SIPA1L1: variants seen among roughly 807,000 people sequenced by gnomAD.
The protein encoded by SIPA1L1 is signal-induced proliferation-associated 1-like protein 1.
SIPA1L1 carries 26 observed loss-of-function variants against 162.7 expected under a neutral mutation model. The observed-to-expected ratio is 0.16, with a 90% CI of 0.12 to 0.22. The LOEUF (loss-of-function observed/expected upper bound fraction) is 0.22, where lower values mean the gene tolerates loss of function less well. Among genes scored for constraint, SIPA1L1 ranks in the 10% least tolerant of loss-of-function variants. The probability of loss-of-function intolerance (pLI) is 1.00; values close to 1 mark genes in which losing one functional copy is unlikely to be tolerated. For synonymous variants in SIPA1L1, 829 were observed against 837.4 expected, an observed-to-expected ratio of 0.99 and a Z score of 0.17; for missense variants, 1,874 against 2,241.0, an observed-to-expected ratio of 0.84 and a Z score of 3.31.
chr14:71,538,232 A>G (rs544604892), intron 4 of SIPA1L1, among the ~76,000 whole-genome samples: 15 of 152,278 alleles, frequency 9.9e-5, no homozygotes, highest in African/African-American at 3.1e-4. Flanking sequence ...TCAGGTTTTA[A>G]GGTAAGAATT....
intron 17 of SIPA1L1, among the ~76,000 whole-genome samples, chr14:71,713,868 C>G (rs1168816837): frequency 6.6e-6 from 1 of 151,990 alleles, no homozygotes; most frequent in Non-Finnish European, 1.5e-5. Flanking sequence ...TAAATCTTTT[C>G]TGCCTGGAAA....
chr14:71,704,959 T>G, intron 15 of SIPA1L1: 3 of 629,242 alleles, frequency 4.8e-6, no homozygotes, highest in Non-Finnish European at 8.5e-6. Context: ...TTTGCTGCGT[T>G]GTTCATGGCC....
intron 2 of SIPA1L1, among the ~76,000 whole-genome samples, chr14:71,328,394 C>G (rs746253862): frequency 3.9e-5 from 6 of 152,170 alleles, no homozygotes; most frequent in Non-Finnish European, 8.8e-5. Context: ...TGAGGCTTTT[C>G]TCCTGGGGGA....
chr14:71,474,875 C>T (rs1227467402), intron 2 of SIPA1L1, among the ~76,000 whole-genome samples: 1 of 152,134 alleles, frequency 6.6e-6, no homozygotes, highest in East Asian at 1.9e-4. Context: ...CCTTAAATTT[C>T]AGGCTGTAAA....
At chr14:71,493,325 T>G (rs888904908) in intron 2 of SIPA1L1, among the ~76,000 whole-genome samples, 2 of 152,138 alleles carry the variant, frequency 1.3e-5, no homozygotes, top group African/African-American at 2.4e-5. Flanking sequence ...AATCCTGGGC[T>G]CAAGCAGTTT....
chr14:71,656,503 A>G (rs1415414233), intron 8 of SIPA1L1, among the ~76,000 whole-genome samples: 1 of 152,216 alleles, frequency 6.6e-6, no homozygotes, highest in Non-Finnish European at 1.5e-5. Flanking sequence ...CACGTTCAAG[A>G]CCTGTCTTAA....
At position 71,618,717 on chromosome 14, in the gene SIPA1L1, G is replaced by A. The variant is rs369788891; in HGVS notation, c.1499-40G>A. On this transcript the variant is annotated intron_variant, in intron 5 of 23. Coordinates refer to ENST00000381232, the MANE Select transcript of SIPA1L1 (RefSeq NM_001386936.1). ...AGAATGTAACATTTTCAAAGTGTTAGGTAGATTTTCTAACTTTGTTTTGTC... is the reference window on the plus strand; with the variant it reads ...AGAATGTAACATTTTCAAAGTGTTAAGTAGATTTTCTAACTTTGTTTTGTC... 8.2e-6 allele frequency: 13 copies of A among 1,593,268 alleles called. No individual in the cohort carries two copies. The African/African-American group carries it at 1.1e-4, about 13-fold the overall frequency.
In SIPA1L1 at chr14:71,672,709, A is replaced by C. The variant is rs994405926; in HGVS notation, c.3104+87A>C. 3.5e-6 allele frequency: 5 copies of C among 1,414,622 alleles called. No individual in the cohort carries two copies. In the African/African-American group the frequency reaches 7.1e-5, roughly 20 times the overall value. 87.6% of individuals were successfully genotyped at this position (1,414,622 alleles called of 1,614,324 possible). A position where few individuals can be genotyped will look rare whatever the true frequency, so the allele number is the denominator to read the frequency against. ...AACATCTCTTAGCAGGTAGTGGAGT[A>C]GGGTGTTGTGAAGAACAATAGGTTA... On this transcript the variant is annotated intron_variant, in intron 12 of 23. Transcript: ENST00000381232.
chr14:71,637,680 A>G (rs956498299), intron 7 of SIPA1L1, among the ~76,000 whole-genome samples: 2 of 152,106 alleles, frequency 1.3e-5, no homozygotes, highest in Non-Finnish European at 2.9e-5. Context: ...ACCATGGTCA[A>G]GCCACTGTAC....
chr14:71,459,071 GAA>G (rs200892418), intron 2 of SIPA1L1, among the ~76,000 whole-genome samples: 2 of 134,260 alleles, frequency 1.5e-5, no homozygotes, highest in African/African-American at 2.7e-5. Flanking sequence ...GGCTCTGTCT[GAA>G]AAAAAAAAAA....
chr14:71,365,344 C>T (rs2038186545), intron 2 of SIPA1L1, among the ~76,000 whole-genome samples: 1 of 152,082 alleles, frequency 6.6e-6, no homozygotes, highest in African/African-American at 2.4e-5. Flanking sequence ...GAATTACTTG[C>T]CTACCTATGC....
intron 4 of SIPA1L1, among the ~76,000 whole-genome samples, chr14:71,543,803 A>C (rs758600596): frequency 7.4e-5 from 11 of 149,126 alleles, no homozygotes; most frequent in Non-Finnish European, 1.2e-4. Flanking sequence ...TATGTATATA[A>C]TGTATGTATA....
chr14:71,627,603 C>G (rs1255302725), intron 7 of SIPA1L1, among the ~76,000 whole-genome samples: 1 of 152,162 alleles, frequency 6.6e-6, no homozygotes, highest in East Asian at 1.9e-4. Context: ...ACTTACAGTA[C>G]AGTTGGGGGC....
At chr14:71,579,358 T>A (rs182768315) in intron 4 of SIPA1L1, among the ~76,000 whole-genome samples, 1 of 152,332 alleles carries the variant, frequency 6.6e-6, no homozygotes, top group African/African-American at 2.4e-5. Flanking sequence ...AAATATTTTT[T>A]AGTGTATTTA....
At chr14:71,738,891 A>G (rs1328855622) in intron 23 of SIPA1L1, 127 bp from the exon 24 acceptor site, 2 of 1,063,688 alleles carry the variant, frequency 1.9e-6, no homozygotes, top group Non-Finnish European at 2.7e-6. Context: ...CCGTTTAGAC[A>G]GGTGTTTGGA....
intron 2 of SIPA1L1, among the ~76,000 whole-genome samples, chr14:71,463,662 G>T (rs2046775914): frequency 6.6e-6 from 1 of 152,204 alleles, no homozygotes; most frequent in Admixed American, 6.5e-5. Context: ...CATTCAAGGG[G>T]TTCTGGATCT....
intron 13 of SIPA1L1, among the ~76,000 whole-genome samples, chr14:71,695,836 AG>A (rs955971495): frequency 6.6e-6 from 1 of 152,226 alleles, no homozygotes; most frequent in Non-Finnish European, 1.5e-5. Context: ...CAAACACTTC[AG>A]GTTGAAAGGA....
At chr14:71,622,956 C>CT (rs1445454465) in intron 6 of SIPA1L1, among the ~76,000 whole-genome samples, 3 of 152,194 alleles carry the variant, frequency 2.0e-5, no homozygotes, top group Non-Finnish European at 4.4e-5. Flanking sequence ...CACTTACTCC[C>CT]TTTTTTCCCA....
At chr14:71,586,397 A>C (rs1263888135) in intron 4 of SIPA1L1, 1 of 152,172 alleles carries the variant, frequency 6.6e-6, no homozygotes, top group Non-Finnish European at 1.5e-5. Context: ...GTTACCATTG[A>C]GTGGAGAGTG....
Sources: gnomAD v4.1 joint callset for allele counts (sites outside exome capture counted in the v4.1 genomes callset) on GRCh38, gnomAD v4.1.1 for gene constraint, MANE v1.5 for transcripts, NCBI Gene and HGNC (gene_info 2026-07-23, HGNC 2026-07-21) for gene names.